The following ABCC8 variants were observed in gnomAD, a reference collection of about 807,000 sequenced individuals.
The protein encoded by ABCC8 is ATP-binding cassette sub-family C member 8.
A neutral mutation model predicts 188.0 loss-of-function variants in ABCC8; 137 were observed. The observed-to-expected ratio is 0.73, with a 90% CI of 0.63 to 0.84. ABCC8 has a LOEUF of 0.84. ABCC8 is among the 40% of genes least tolerant of loss of function. The pLI is 0.00. For missense variants in ABCC8, 1,750 were observed against 2,072.7 expected (o/e 0.84, Z 3.02); for synonymous variants, 797 against 846.5 (o/e 0.94, Z 1.01).
chr11:17,453,079 T>A (rs200853268), intron 7 of ABCC8, 40 bp downstream of exon 7: 1 of 1,523,846 alleles, frequency 6.6e-7, no homozygotes, highest in Non-Finnish European at 9.1e-7. Context: ...TTCCTAATAA[T>A]GGTTCTTATG....
chr11:17,393,680 A>G lies in ABCC8; in HGVS notation c.4608+17T>C, dbSNP rs112752082. On this transcript the variant is annotated intron_variant, in intron 38 of 38. Transcript: ENST00000389817. ...GTCCCTGGGTGTCCCTCTGCACCCC[A>G]TCAATGGGCCCCTTACCGCGATGGT... is the stretch of plus-strand genomic sequence containing the variant. 6.2e-7 allele frequency: 1 copy of G among 1,614,074 alleles called. No homozygotes were observed. The highest frequency in any genetic ancestry group is 2.2e-5 in the East Asian group (1 of 44,894).
intron 22 of ABCC8, 117 bp from the exon 23 acceptor site, chr11:17,408,634 G>C (rs1954654519): frequency 1.8e-5 from 27 of 1,466,436 alleles, no homozygotes; most frequent in Non-Finnish European, 2.5e-5. Flanking sequence ...ACTACAAATG[G>C]CCACCAGCTC....
chr11:17,442,816 A>T lies in ABCC8; in HGVS notation c.1534T>A (p.Tyr512Asn). ...MLRGIKLLKLYAWENIFRTRV... is the reference protein window; with the variant it reads ...MLRGIKLLKLNAWENIFRTRV... ...GTGCGGAAGATGTTCTCCCAGGCGTACAGCTTCAGCAGCTTGATGCCGCGG... is the reference window on the plus strand; with the variant it reads ...GTGCGGAAGATGTTCTCCCAGGCGTTCAGCTTCAGCAGCTTGATGCCGCGG... The change falls in exon 10 of 39, where the codon TAC (tyrosine) becomes AAC (asparagine). Residue 512 changes from tyrosine (Y) to asparagine (N), a missense_variant. Coordinates refer to ENST00000389817, the MANE Select transcript of ABCC8 (RefSeq NM_000352.6). 1 of 1,614,060 alleles carries T rather than the reference A, an allele frequency of 6.2e-7. No homozygotes were observed. The highest frequency in any genetic ancestry group is 8.5e-7 in the Non-Finnish European group (1 of 1,180,022).
Position 17,395,029 on chromosome 11 carries a change from T to G in ABCC8, c.4411+143A>C. 1.0e-5 allele frequency: 11 copies of G among 1,078,034 alleles called. No homozygotes were observed. In the South Asian group the frequency reaches 1.6e-4, roughly 15 times the overall value. 66.8% of individuals were successfully genotyped at this position (1,078,034 alleles called of 1,614,324 possible). A position where few individuals can be genotyped will look rare whatever the true frequency, so the allele number is the denominator to read the frequency against. On this transcript the variant is annotated intron_variant, in intron 36 of 38. Coordinates refer to ENST00000389817, the MANE Select transcript of ABCC8 (RefSeq NM_000352.6). ...GACACCTGACCTCTCTGGGCCCCCG[T>G]ATAGTGAGAAGTAGGACTAAATGGT...
chr11:17,405,593 AT>A (rs1564890900), intron 26 of ABCC8, 30 bp from the exon 27 acceptor site: 1 of 1,614,168 alleles, frequency 6.2e-7, no homozygotes, highest in Admixed American at 1.7e-5. Context: ...AGAGTTACTC[AT>A]TTGTCCATTG....
chr11:17,403,500 G>A (rs751276188), intron 28 of ABCC8, among the ~76,000 whole-genome samples: 3 of 152,180 alleles, frequency 2.0e-5, no homozygotes, highest in Admixed American at 2.0e-4. Context: ...TGTGGGTGTC[G>A]GGCCATTCTG....
At chr11:17,417,730 A>G (rs1955150778) in intron 16 of ABCC8, among the ~76,000 whole-genome samples, 1 of 152,140 alleles carries the variant, frequency 6.6e-6, no homozygotes, top group Non-Finnish European at 1.5e-5. Flanking sequence ...AACTTTTATA[A>G]GCACCATAGT....
chr11:17,425,724 C>A (rs192687735), intron 16 of ABCC8, among the ~76,000 whole-genome samples: 1 of 152,052 alleles, frequency 6.6e-6, no homozygotes. Context: ...CTGGGATATA[C>A]GTGCAGAACG....
chr11:17,396,595 C>T, intron 33 of ABCC8: 1 of 393,240 alleles, frequency 2.5e-6, no homozygotes. Flanking sequence ...AAGCTCGGGG[C>T]AGTGCCCTAG....
At chr11:17,421,791 T>C (rs1185242533) in intron 16 of ABCC8, among the ~76,000 whole-genome samples, 2 of 152,184 alleles carry the variant, frequency 1.3e-5, no homozygotes, top group African/African-American at 4.8e-5. Context: ...TGTGCAGCCA[T>C]ACTGCTCACG....
intron 16 of ABCC8, among the ~76,000 whole-genome samples, chr11:17,419,740 G>GA (rs1955248875): frequency 6.6e-6 from 1 of 152,220 alleles, no homozygotes; most frequent in African/African-American, 2.4e-5. Context: ...GATTGAGACG[G>GA]TGGAGGTGAA....
At chr11:17,467,042 C>CCCCACACACACA (rs1848197704) in intron 3 of ABCC8, among the ~76,000 whole-genome samples, 1 of 132,312 alleles carries the variant, frequency 7.6e-6, no homozygotes, top group Non-Finnish European at 1.6e-5. Context: ...ACATGTTAAA[C>CCCCACACACACA]CACACACACA....
intron 10 of ABCC8, 51 bp from the exon 11 acceptor site, chr11:17,432,295 A>G: frequency 6.4e-7 from 1 of 1,551,698 alleles, no homozygotes; most frequent in Non-Finnish European, 8.7e-7. Context: ...TGACAGCTAC[A>G]CATGGAGATG....
intron 16 of ABCC8, among the ~76,000 whole-genome samples, chr11:17,419,233 G>A (rs916828): frequency 6.6e-6 from 1 of 152,068 alleles, no homozygotes; most frequent in African/African-American, 2.4e-5. Context: ...GTGCTGAGGG[G>A]ATTCGATTCC....
intron 22 of ABCC8, chr11:17,410,207 A>C (rs1435541903): frequency 2.9e-6 from 1 of 338,984 alleles, no homozygotes; most frequent in South Asian, 4.5e-5. Flanking sequence ...GGTCATCAAA[A>C]GGGCAGGAAT....
rs117402733 is a variant in ABCC8, at chr11:17,404,823, G to A, written c.3400-154C>T. On this transcript the variant is annotated intron_variant, in intron 27 of 38. Transcript: ENST00000389817. The surrounding 1 kb of genome is among the most constrained non-coding windows in gnomAD (Gnocchi z 4.7). ...GTTGCCCAGACTTGAGTGCAGCAGC[G>A]TAATCTCGGTTCACGGCAGCCTCTG... 1.4e-4 allele frequency: 100 copies of A among 726,872 alleles called. No homozygotes were observed. The East Asian group carries it at 5.7e-3, about 41-fold the overall frequency. The allele number at this position is 726,872 out of a possible 1,614,324, so 45.0% of individuals were successfully genotyped here.
At chr11:17,412,964 G>A in intron 20 of ABCC8, 1 of 1,009,392 alleles carries the variant, frequency 9.9e-7, no homozygotes, top group Middle Eastern at 3.0e-4. Context: ...CATTGTGTAG[G>A]CGCTAGGGAC....
intron 2 of ABCC8, among the ~76,000 whole-genome samples, chr11:17,472,202 T>C (rs1280775474): frequency 6.6e-6 from 1 of 152,224 alleles, no homozygotes; most frequent in Non-Finnish European, 1.5e-5. Context: ...ATGACATGGC[T>C]TCATAGAATA....
At chr11:17,422,456 A>G (rs1237683214) in intron 16 of ABCC8, among the ~76,000 whole-genome samples, 1 of 152,154 alleles carries the variant, frequency 6.6e-6, no homozygotes, top group Non-Finnish European at 1.5e-5. Flanking sequence ...AAATGAATTC[A>G]TTTGCGAAAT....
Sources: gnomAD v4.1 joint callset for allele counts (sites outside exome capture counted in the v4.1 genomes callset) on GRCh38, gnomAD v4.1.1 for gene constraint, Gnocchi (gnomAD v3.1) non-coding constraint, MANE v1.5 for transcripts, NCBI Gene and HGNC (gene_info 2026-07-23, HGNC 2026-07-21) for gene names.